Variants in BCAS3 observed in about 807,000 individuals in gnomAD.
BCAS3 encodes the protein BCAS4/BCAS3 fusion.
BCAS3 carries 53 observed loss-of-function variants against 116.1 expected under a neutral mutation model. That is an observed-to-expected ratio of 0.46 (90% confidence interval 0.37 to 0.57). The LOEUF is 0.57. Among genes scored for constraint, BCAS3 ranks in the 20% least tolerant of loss-of-function variants. The pLI, the probability that BCAS3 is intolerant of heterozygous loss-of-function variation, is 0.00. For missense variants in BCAS3, 917 were observed against 1,165.4 expected, an observed-to-expected ratio of 0.79 and a Z score of 3.10; for synonymous variants, 391 against 408.2, an observed-to-expected ratio of 0.96 and a Z score of 0.51.
rs575012959 is a variant in BCAS3 at position 61,219,306 on chromosome 17, C to T, written c.2425+134742C>T. 2.6e-5 allele frequency among the ~76,000 whole-genome samples: 4 copies of T among 152,204 alleles called. No individual in the cohort carries two copies. The highest frequency in any genetic ancestry group is 2.6e-4 in the Admixed American group (4 of 15,302). ...CAGCGATACCCTGGAGAGGAACATT[C>T]CAGTGATTCCTTTCTGGGCATATTT... On this transcript the variant is annotated intron_variant, in intron 22 of 23. Coordinates refer to ENST00000407086, the MANE Select transcript of BCAS3 (RefSeq NM_017679.5). This position sits in a 1 kb window ranked among gnomAD's most constrained non-coding sequence, Gnocchi z 5.2.
intron 22 of BCAS3, among the ~76,000 whole-genome samples, chr17:61,283,594 C>T (rs752733760): frequency 2.0e-5 from 3 of 151,862 alleles, no homozygotes; most frequent in Non-Finnish European, 2.9e-5. Flanking sequence ...GCTGGGACTA[C>T]AGGCGACCGC....
rs762034446 is a variant in BCAS3, at chr17:60,844,913, GA to G, written c.477-23661del. ...GCAGTACAAGTTGTCTGAAAGGGGAGAATGTAAACTAATGGTTTAAAAATGC... is the reference window on the plus strand; with the variant it reads ...GCAGTACAAGTTGTCTGAAAGGGGAGATGTAAACTAATGGTTTAAAAATGC... On this transcript the variant is annotated intron_variant, in intron 7 of 23. Transcript: ENST00000407086. Among the ~76,000 whole-genome samples, 27 of 152,242 alleles carry G rather than the reference GA, an allele frequency of 1.8e-4. 1 individual carries two copies. In the South Asian group the frequency reaches 1.9e-3, roughly 11 times the overall value.
chr17:61,311,951 T>TA (rs567683972), intron 22 of BCAS3, among the ~76,000 whole-genome samples: 94 of 152,308 alleles, frequency 6.2e-4, no homozygotes, highest in African/African-American at 2.2e-3. Flanking sequence ...GTTGAAAAGA[T>TA]ACGTTTTTAA....
At chr17:60,864,470 G>T (rs1369274448) in intron 7 of BCAS3, among the ~76,000 whole-genome samples, 1 of 152,162 alleles carries the variant, frequency 6.6e-6, no homozygotes, top group Non-Finnish European at 1.5e-5. Flanking sequence ...AATGGGGTAG[G>T]GATCCAGCTA....
chr17:60,686,448 G>C (rs922999199), intron 3 of BCAS3, among the ~76,000 whole-genome samples: 8 of 152,102 alleles, frequency 5.3e-5, no homozygotes, highest in Non-Finnish European at 8.8e-5. Context: ...TTGAATTCTA[G>C]TTGTGATAAC....
At chr17:60,814,928 G>A (rs1352760977) in intron 7 of BCAS3, among the ~76,000 whole-genome samples, 1 of 152,062 alleles carries the variant, frequency 6.6e-6, no homozygotes, top group Non-Finnish European at 1.5e-5. Context: ...AATACCATTT[G>A]ATCCAGCCAT....
intron 14 of BCAS3, among the ~76,000 whole-genome samples, chr17:60,954,346 G>T (rs762324878): frequency 5.3e-5 from 8 of 151,834 alleles, no homozygotes; most frequent in Non-Finnish European, 1.0e-4. Flanking sequence ...GGTTATTTGG[G>T]CTCTTTTTTG....
At chr17:61,182,868 G>A (rs2079559196) in intron 22 of BCAS3, among the ~76,000 whole-genome samples, 1 of 152,190 alleles carries the variant, frequency 6.6e-6, no homozygotes, top group African/African-American at 2.4e-5. Context: ...GTGGCCGTGG[G>A]CCCCTTTTCA....
intron 5 of BCAS3, among the ~76,000 whole-genome samples, chr17:60,713,193 C>T (rs2038139259): frequency 6.6e-6 from 1 of 152,142 alleles, no homozygotes; most frequent in African/African-American, 2.4e-5. Flanking sequence ...CTTTTAATTT[C>T]CTTTAGCTCA....
intron 2 of BCAS3, 50 bp from the exon 3 acceptor site, chr17:60,683,931 GT>G: frequency 6.9e-7 from 1 of 1,450,388 alleles, no homozygotes; most frequent in African/African-American, 1.4e-5. Context: ...CTTTTTTCAT[GT>G]TCTATATTAA....
chr17:61,038,166 A>G, intron 18 of BCAS3, 112 bp downstream of exon 18: 1 of 913,700 alleles, frequency 1.1e-6, no homozygotes. Context: ...TCATCACCAC[A>G]ATTAACATGG....
intron 22 of BCAS3, among the ~76,000 whole-genome samples, chr17:61,328,847 G>A (rs899026759): frequency 2.7e-5 from 4 of 150,834 alleles, no homozygotes; most frequent in Non-Finnish European, 4.4e-5. Flanking sequence ...GGTAGCCATC[G>A]TCTTTCTGTG....
intron 6 of BCAS3, among the ~76,000 whole-genome samples, chr17:60,754,680 TACACACACACACACACACACAC>T (rs772900751): frequency 0.022 from 3,242 of 145,442 alleles, 88 homozygotes; most frequent in African/African-American, 0.058. Context: ...AAATTTAAAA[TACACACACACACACACACACAC>T]ACACACACAC....
At chr17:61,284,646 T>G (rs1467992602) in intron 22 of BCAS3, among the ~76,000 whole-genome samples, 6 of 131,832 alleles carry the variant, frequency 4.6e-5, no homozygotes, top group Non-Finnish European at 7.8e-5. Context: ...CACAACTGCG[T>G]TTTTTTTTTT....
chr17:61,341,065 C>T (rs1313910377), intron 22 of BCAS3, among the ~76,000 whole-genome samples: 3 of 152,028 alleles, frequency 2.0e-5, no homozygotes, highest in Non-Finnish European at 2.9e-5. Flanking sequence ...TGAGTATGAT[C>T]GGGTTAGTGT....
chr17:60,899,894 G>C (rs1275708380), intron 10 of BCAS3: 1 of 152,410 alleles, frequency 6.6e-6, no homozygotes, highest in Non-Finnish European at 1.5e-5. Context: ...ATGTCTTGCT[G>C]GGCATGGTGG....
intron 19 of BCAS3, among the ~76,000 whole-genome samples, chr17:61,044,465 A>AAAAAAAAAAAAATATATATATATATAT: frequency 2.5e-5 from 3 of 120,108 alleles, no homozygotes; most frequent in African/African-American, 1.5e-4. Context: ...AAAAAAAAAA[A>AAAAAAAAAAAAATATATATATATATAT]ATATATATAT....
intron 22 of BCAS3, among the ~76,000 whole-genome samples, chr17:61,237,794 A>G (rs940861097): frequency 1.3e-4 from 20 of 152,202 alleles, no homozygotes; most frequent in Non-Finnish European, 8.8e-5. Context: ...CCCAGCTCTT[A>G]ACTGCTTTTT....
At chr17:60,981,306 G>A (rs8073703) in intron 14 of BCAS3, among the ~76,000 whole-genome samples, 17,632 of 151,336 alleles carry the variant, frequency 0.12, 3,300 homozygotes, top group African/African-American at 0.39. Context: ...TTGAGACAGG[G>A]TCTCGCTCTG....
Sources: gnomAD v4.1 joint callset for allele counts (sites outside exome capture counted in the v4.1 genomes callset) on GRCh38, gnomAD v4.1.1 for gene constraint, Gnocchi (gnomAD v3.1) non-coding constraint, MANE v1.5 for transcripts, NCBI Gene and HGNC (gene_info 2026-07-23, HGNC 2026-07-21) for gene names.